AFG1L: variants seen among roughly 807,000 people sequenced by gnomAD.
AFG1L encodes the protein AFG1 like ATPase, also known as AFG1-like ATPase.
Under a neutral mutation model 62.2 loss-of-function variants are expected in AFG1L, and 53 were observed. The observed-to-expected ratio is 0.85, with a 90% CI of 0.68 to 1.07. The LOEUF (loss-of-function observed/expected upper bound fraction) is 1.07. Among genes scored for constraint, AFG1L ranks in the 50% least tolerant of loss-of-function variants. The pLI, the probability that AFG1L is intolerant of heterozygous loss-of-function variation, is 0.00. For missense variants in AFG1L, 555 were observed against 590.5 expected, an observed-to-expected ratio of 0.94 and a Z score of 0.62; for synonymous variants, 228 against 210.3, an observed-to-expected ratio of 1.08 and a Z score of -0.73.
intron 1 of AFG1L, among the ~76,000 whole-genome samples, chr6:108,297,627 G>A (rs369393510): frequency 4.6e-5 from 7 of 151,932 alleles, no homozygotes; most frequent in African/African-American, 7.2e-5. Context: ...GCCTGAGGGA[G>A]TAGGATCACT....
chr6:108,303,436 C>T (rs573635278), intron 1 of AFG1L, among the ~76,000 whole-genome samples: 23 of 152,278 alleles, frequency 1.5e-4, no homozygotes, highest in South Asian at 1.2e-3. Context: ...CTCCTAAAAG[C>T]GTTATGGATG....
chr6:108,462,532 C>T (rs1772502854), intron 8 of AFG1L, among the ~76,000 whole-genome samples: 1 of 152,164 alleles, frequency 6.6e-6, no homozygotes, highest in African/African-American at 2.4e-5. Context: ...AAATTAATTT[C>T]ACTATTTGAA....
At chr6:108,414,540 G>A (rs969404409) in intron 7 of AFG1L, among the ~76,000 whole-genome samples, 3 of 152,216 alleles carry the variant, frequency 2.0e-5, no homozygotes, top group African/African-American at 7.2e-5. Context: ...CTGGCAAACC[G>A]AATCCAGCAG....
chr6:108,390,521 A>T (rs1047398600), intron 6 of AFG1L, among the ~76,000 whole-genome samples: 7 of 152,082 alleles, frequency 4.6e-5, no homozygotes, highest in Admixed American at 2.6e-4. Flanking sequence ...GTCTTTGATG[A>T]TGGTGACTTA....
intron 1 of AFG1L, among the ~76,000 whole-genome samples, chr6:108,308,975 G>A (rs1258148885): frequency 6.6e-6 from 1 of 152,196 alleles, no homozygotes; most frequent in Non-Finnish European, 1.5e-5. Context: ...CCAAAGTGCT[G>A]TGATTACAGG....
At chr6:108,453,192 C>G (rs2114764019) in intron 8 of AFG1L, among the ~76,000 whole-genome samples, 1 of 152,262 alleles carries the variant, frequency 6.6e-6, no homozygotes, top group Non-Finnish European at 1.5e-5. Flanking sequence ...TAAATTGTCT[C>G]AAGACCATTT....
intron 8 of AFG1L, among the ~76,000 whole-genome samples, chr6:108,466,995 G>T (rs1176763662): frequency 6.6e-6 from 1 of 151,800 alleles, no homozygotes; most frequent in Non-Finnish European, 1.5e-5. Flanking sequence ...TTGAGTGAGA[G>T]AAGTCACATA....
intron 6 of AFG1L, among the ~76,000 whole-genome samples, chr6:108,375,748 T>C (rs1046065325): frequency 2.6e-5 from 4 of 152,154 alleles, no homozygotes; most frequent in Admixed American, 2.6e-4. Context: ...TTGAGGATTT[T>C]GGTATCTGTG....
At position 108,524,528 on chromosome 6, in the gene AFG1L, G is replaced by A. The variant is rs1775251663; in HGVS notation, c.*2103G>A. 1 of 152,214 alleles carries A rather than the reference G, an allele frequency of 6.6e-6. No individual in the cohort carries two copies. Among genetic ancestry groups the A allele is most frequent in the Non-Finnish European group, 1.5e-5 (1 of 68,036 alleles). The allele number at this position is 152,214 out of a possible 1,614,324, so 9.4% of individuals were successfully genotyped here. A position where few individuals can be genotyped will look rare whatever the true frequency, so the allele number is the denominator to read the frequency against. On this transcript the variant is annotated 3_prime_UTR_variant, in exon 13 of 13. Coordinates refer to ENST00000368977, the MANE Select transcript of AFG1L (RefSeq NM_145315.5). ...CATAGAAGCCTATGTAATTCTCAGT[G>A]TAGCTTCCCTATAATGTCATTTTGG... is the stretch of plus-strand genomic sequence containing the variant.
At chr6:108,479,067 C>G (rs1773234001) in intron 10 of AFG1L, among the ~76,000 whole-genome samples, 1 of 152,210 alleles carries the variant, frequency 6.6e-6, no homozygotes, top group Non-Finnish European at 1.5e-5. Context: ...TTATGGCTCA[C>G]TACAGCCTTG....
At chr6:108,325,153 T>C (rs981436361) in intron 2 of AFG1L, among the ~76,000 whole-genome samples, 1 of 152,222 alleles carries the variant, frequency 6.6e-6, no homozygotes, top group Non-Finnish European at 1.5e-5. Context: ...GTCTTTGTCA[T>C]GCATACCCCT....
chr6:108,403,805 C>A (rs535891315), intron 7 of AFG1L, among the ~76,000 whole-genome samples: 137 of 150,562 alleles, frequency 9.1e-4, no homozygotes, highest in Non-Finnish European at 8.7e-4. Flanking sequence ...TTTTTTCCTC[C>A]AAATATTTTG....
intron 1 of AFG1L, among the ~76,000 whole-genome samples, chr6:108,299,697 T>C (rs377148082): frequency 3.9e-5 from 6 of 152,040 alleles, no homozygotes; most frequent in African/African-American, 1.4e-4. Context: ...CAGCTACTCA[T>C]GAGGCCAAAG....
At chr6:108,366,201 TTAAAA>T (rs1317551888) in intron 5 of AFG1L, 27 bp from the exon 6 acceptor site, 1 of 1,383,140 alleles carries the variant, frequency 7.2e-7, no homozygotes, top group African/African-American at 1.4e-5. Flanking sequence ...AGAAGTGAAA[TTAAAA>T]TAAAACAAAT....
chr6:108,474,700 T>A (rs1253156917), intron 8 of AFG1L, among the ~76,000 whole-genome samples: 1 of 152,254 alleles, frequency 6.6e-6, no homozygotes, highest in East Asian at 1.9e-4. Context: ...GAAGTGTCTG[T>A]TCATGTCCTT....
At chr6:108,315,706 G>A (rs982750299) in intron 1 of AFG1L, among the ~76,000 whole-genome samples, 6 of 152,180 alleles carry the variant, frequency 3.9e-5, no homozygotes, top group Non-Finnish European at 8.8e-5. Context: ...ACAGTGCTGA[G>A]ATTACAGGCA....
chr6:108,306,991 CA>C (rs1280231550), intron 1 of AFG1L, among the ~76,000 whole-genome samples: 3 of 152,160 alleles, frequency 2.0e-5, no homozygotes, highest in Admixed American at 6.5e-5. Flanking sequence ...TCTGTTTAAA[CA>C]TAAATTACTT....
At chr6:108,442,207 G>T (rs1260846438) in intron 7 of AFG1L, among the ~76,000 whole-genome samples, 1 of 150,910 alleles carries the variant, frequency 6.6e-6, no homozygotes, top group African/African-American at 2.4e-5. Context: ...TTTTTACTGG[G>T]TGACTGAGCT....
chr6:108,440,652 C>G (rs1268421197), intron 7 of AFG1L, among the ~76,000 whole-genome samples: 1 of 151,726 alleles, frequency 6.6e-6, no homozygotes, highest in Non-Finnish European at 1.5e-5. Context: ...AACCCCGTCT[C>G]TACTAAAAAA....
Sources: allele counts gnomAD v4.1 joint callset (sites outside exome capture counted in the v4.1 genomes callset), GRCh38; gene constraint gnomAD v4.1.1; transcripts MANE v1.5; gene names NCBI Gene and HGNC (gene_info 2026-07-23, HGNC 2026-07-21).